Variants in SLAMF9 observed in about 807,000 individuals in gnomAD.
SLAMF9 encodes CD2 family member 10.
In SLAMF9, 25 loss-of-function variants were observed where a neutral mutation model predicts 30.4. The observed-to-expected ratio is 0.82, with a 90% CI of 0.60 to 1.15. The LOEUF (loss-of-function observed/expected upper bound fraction) is 1.15, where lower values mean the gene tolerates loss of function less well. SLAMF9 is among the 50% of genes most tolerant of loss of function. SLAMF9 has a pLI of 0.00. For synonymous variants in SLAMF9, 129 were observed against 127.2 expected (o/e 1.01, Z -0.09); for missense variants, 344 against 346.1 (o/e 0.99, Z 0.05).
chr1:159,972,828 TG>T, the SLAMF9 span: 3 of 914,820 alleles, frequency 3.3e-6, no homozygotes, highest in Non-Finnish European at 4.5e-6. Context: ...GAGCACAGGA[TG>T]GGACACAGGA....
the SLAMF9 span, chr1:159,973,389 A>T: frequency 3.9e-6 from 2 of 512,338 alleles, no homozygotes; most frequent in South Asian, 5.5e-5. Flanking sequence ...CGGGAACCCC[A>T]ACGGGAGGCA....
the SLAMF9 span, among the ~76,000 whole-genome samples, chr1:159,974,994 T>C: frequency 2.0e-5 from 3 of 152,118 alleles, no homozygotes; most frequent in African/African-American, 7.2e-5. Flanking sequence ...GTTTCTCTAT[T>C]GCCACCAACC....
At chr1:159,958,459 CTT>C (rs542456262), upstream of SLAMF9, among the ~76,000 whole-genome samples, 1 of 143,816 alleles carries the variant, frequency 7.0e-6, no homozygotes. Flanking sequence ...CGTTTCTTCA[CTT>C]TTTTTTTTTT....
At chr1:159,975,123 G>T in the SLAMF9 span, among the ~76,000 whole-genome samples, 1 of 152,094 alleles carries the variant, frequency 6.6e-6, no homozygotes, top group South Asian at 2.1e-4. Flanking sequence ...TTTAACAAAG[G>T]TACTGATTCA....
the SLAMF9 span, chr1:159,973,278 T>A: frequency 2.8e-6 from 2 of 711,904 alleles, no homozygotes; most frequent in Non-Finnish European, 4.8e-6. Context: ...AGGTGGGAAC[T>A]GCTCTGGGGA....
chr1:159,968,477 C>T, the SLAMF9 span, among the ~76,000 whole-genome samples: 2 of 152,216 alleles, frequency 1.3e-5, no homozygotes, highest in Non-Finnish European at 2.9e-5. Flanking sequence ...CATGCAAAAT[C>T]GTCTCTCTTC....
At chr1:159,953,994 C>A in intron 1 of SLAMF9, 98 bp downstream of exon 1, 1 of 1,461,382 alleles carries the variant, frequency 6.8e-7, no homozygotes, top group Non-Finnish European at 9.5e-7. Flanking sequence ...CTGACACATT[C>A]AACCCCTAAG....
At chr1:159,969,776 C>T in the SLAMF9 span, among the ~76,000 whole-genome samples, 2 of 152,172 alleles carry the variant, frequency 1.3e-5, no homozygotes, top group South Asian at 4.1e-4. Flanking sequence ...GGTGCAGTGG[C>T]TCATGCCTGT....
chr1:159,962,365 C>T, the SLAMF9 span, among the ~76,000 whole-genome samples: 9 of 150,798 alleles, frequency 6.0e-5, no homozygotes, highest in South Asian at 2.1e-4. Context: ...ACCTTTGGCC[C>T]GGGGCGGCGG....
intron 2 of SLAMF9, 40 bp downstream of exon 2, chr1:159,953,269 G>A: frequency 6.5e-7 from 1 of 1,531,584 alleles, no homozygotes. Context: ...GCTCAGAAGA[G>A]CCCCCAAAAC....
At chr1:159,983,005 G>GT in the SLAMF9 span, 4 of 152,348 alleles carry the variant, frequency 2.6e-5, no homozygotes, top group Non-Finnish European at 4.4e-5. Flanking sequence ...CTCCAGCCTG[G>GT]TGACAGAGTG....
chr1:159,975,754 A>T, the SLAMF9 span, among the ~76,000 whole-genome samples: 4 of 152,336 alleles, frequency 2.6e-5, no homozygotes, highest in Non-Finnish European at 4.4e-5. Flanking sequence ...GATCAGAGTG[A>T]CACTAAGGAG....
the SLAMF9 span, chr1:159,976,948 G>GAA: frequency 3.7e-3 from 20 of 5,442 alleles, no homozygotes; most frequent in Admixed American, 0.04. Flanking sequence ...AAGAAAGAAA[G>GAA]AAAGAAAGAA....
the SLAMF9 span, chr1:159,976,965 A>AGAAAGAAAGAAAGAAAGAAAGAAAGAAG: frequency 3.9e-5 from 2 of 51,146 alleles, no homozygotes; most frequent in African/African-American, 8.8e-5. Flanking sequence ...AGAAAGAGAA[A>AGAAAGAAAGAAAGAAAGAAAGAAAGAAG]GAAAGAAGGA....
At chr1:159,966,727 AT>A in the SLAMF9 span, among the ~76,000 whole-genome samples, 1 of 152,254 alleles carries the variant, frequency 6.6e-6, no homozygotes, top group Non-Finnish European at 1.5e-5. Context: ...GATCCTGAGC[AT>A]TTTTTAATGA....
chr1:159,953,584 C>CCT lies in SLAMF9; in HGVS notation c.115_116insAG (p.Ser39LysfsTer40). On this transcript the variant is annotated frameshift_variant, in exon 2 of 4. Transcript: ENST00000368093. LOFTEE classifies it high-confidence loss of function. Reference sequence around the variant, plus strand: ...ATCTGGTGGTATTTCCAGGGGGAGGCTGATGGACTCCTGAAGGACCGCAAC... The same window carrying CCT: ...ATCTGGTGGTATTTCCAGGGGGAGGCCTTGATGGACTCCTGAAGGACCGCAAC... 1 of 1,614,122 alleles carries CCT rather than the reference C, an allele frequency of 6.2e-7. No homozygotes were observed. Among genetic ancestry groups the CCT allele is most frequent in the Non-Finnish European group, 8.5e-7 (1 of 1,179,952 alleles).
upstream of SLAMF9, chr1:159,954,327 G>A (rs1011054634): frequency 4.1e-6 from 2 of 483,726 alleles, no homozygotes; most frequent in African/African-American, 2.0e-5. Flanking sequence ...ATGTATCATG[G>A]CTCTCTTAGT....
chr1:159,962,083 A>G, the SLAMF9 span, among the ~76,000 whole-genome samples: 2 of 151,982 alleles, frequency 1.3e-5, no homozygotes, highest in South Asian at 4.1e-4. Flanking sequence ...GCTTGAACCC[A>G]GGAGCTAGAG....
chr1:159,973,002 A>G, the SLAMF9 span: 1 of 1,408,738 alleles, frequency 7.1e-7, no homozygotes, highest in South Asian at 1.7e-5. Context: ...TTTACCCTGC[A>G]CTCTGACCTC....
Sources: gnomAD v4.1 joint callset for allele counts (sites outside exome capture counted in the v4.1 genomes callset) on GRCh38, gnomAD v4.1.1 for gene constraint, MANE v1.5 for transcripts, NCBI Gene and HGNC (gene_info 2026-07-23, HGNC 2026-07-21) for gene names.